Variants in PCDH15 observed in about 807,000 individuals in gnomAD.
PCDH15 encodes the protein protocadherin related 15, also known as protocadherin-15.
PCDH15 carries 129 observed loss-of-function variants against 178.5 expected under a neutral mutation model. The observed-to-expected ratio is 0.72, with a 90% CI of 0.63 to 0.84. The LOEUF (loss-of-function observed/expected upper bound fraction) is 0.84, where lower values mean the gene tolerates loss of function less well. Among genes scored for constraint, PCDH15 ranks in the 40% least tolerant of loss-of-function variants. The pLI is 0.00. For synonymous variants in PCDH15, 800 were observed against 732.0 expected, an observed-to-expected ratio of 1.09 and a Z score of -1.50; for missense variants, 2,230 against 2,099.9, an observed-to-expected ratio of 1.06 and a Z score of -1.21.
In PCDH15 at chr10:53,946,588, A is replaced by C. The variant is rs191447698; in HGVS notation, c.3123-5613T>G. 1.9e-3 allele frequency among the ~76,000 whole-genome samples: 285 copies of C among 152,304 alleles called. 1 individual carries two copies. The highest frequency in any genetic ancestry group is 6.2e-3 in the African/African-American group (258 of 41,576). ...TCTCATTTCACTTTATTGCTGAATAATATTACAATGTATTGGATGTATCAC... is the reference window on the plus strand; with the variant it reads ...TCTCATTTCACTTTATTGCTGAATACTATTACAATGTATTGGATGTATCAC... On this transcript the variant is annotated intron_variant, in intron 23 of 37. Transcript: ENST00000644397.
chr10:53,960,252 A>G (rs879768563), intron 22 of PCDH15, among the ~76,000 whole-genome samples: 2 of 152,176 alleles, frequency 1.3e-5, no homozygotes, highest in Non-Finnish European at 2.9e-5. Context: ...TTAAATTCAG[A>G]CACATAAAAA....
intron 9 of PCDH15, among the ~76,000 whole-genome samples, chr10:54,218,953 T>C (rs1435131494): frequency 6.6e-6 from 1 of 151,584 alleles, no homozygotes; most frequent in Non-Finnish European, 1.5e-5. Flanking sequence ...AGAACCACTG[T>C]AGATTAAAAG....
intron 2 of PCDH15, among the ~76,000 whole-genome samples, chr10:54,570,572 G>A (rs1032362976): frequency 6.6e-6 from 1 of 151,520 alleles, no homozygotes; most frequent in African/African-American, 2.4e-5. Flanking sequence ...ATATTGCATT[G>A]GAATATATTT....
At chr10:55,202,663 T>G (rs1840284826) in intron 1 of PCDH15, among the ~76,000 whole-genome samples, 1 of 152,122 alleles carries the variant, frequency 6.6e-6, no homozygotes, top group Non-Finnish European at 1.5e-5. Flanking sequence ...TTTGGCTCTG[T>G]GTCCCCACCC....
intron 2 of PCDH15, among the ~76,000 whole-genome samples, chr10:54,942,564 A>G (rs1339837983): frequency 6.6e-6 from 1 of 152,034 alleles, no homozygotes; most frequent in Non-Finnish European, 1.5e-5. Context: ...TGTTAAAGGT[A>G]GTAGCTATGC....
intron 2 of PCDH15, among the ~76,000 whole-genome samples, chr10:55,497,481 TTTC>T (rs1840560756): frequency 6.6e-6 from 1 of 151,778 alleles, no homozygotes; most frequent in East Asian, 1.9e-4. Context: ...TTGGCTTACT[TTTC>T]TGTAAGTAAT....
intron 28 of PCDH15, among the ~76,000 whole-genome samples, chr10:53,854,412 G>T (rs1479276532): frequency 6.6e-6 from 1 of 151,968 alleles, no homozygotes; most frequent in Non-Finnish European, 1.5e-5. Context: ...TTTATACTAT[G>T]TTTTTTAATC....
intron 33 of PCDH15, among the ~76,000 whole-genome samples, chr10:53,819,407 A>G (rs1266637502): frequency 6.6e-6 from 1 of 151,982 alleles, no homozygotes; most frequent in African/African-American, 2.4e-5. Context: ...GTCTTGGCTC[A>G]AAGGCAGAAA....
intron 14 of PCDH15, among the ~76,000 whole-genome samples, chr10:54,143,289 GATT>G (rs1590757584): frequency 1.3e-5 from 2 of 152,166 alleles, no homozygotes; most frequent in South Asian, 2.1e-4. Flanking sequence ...TAATAATTAT[GATT>G]ATTATGTTAC....
intron 1 of PCDH15, among the ~76,000 whole-genome samples, chr10:55,204,379 T>C (rs996751112): frequency 4.6e-5 from 7 of 151,578 alleles, no homozygotes; most frequent in Non-Finnish European, 5.9e-5. Flanking sequence ...TACGTGTATA[T>C]ATACATATAA....
intron 20 of PCDH15, among the ~76,000 whole-genome samples, chr10:54,002,778 T>G (rs780378593): frequency 1.3e-5 from 2 of 151,992 alleles, no homozygotes; most frequent in Non-Finnish European, 1.5e-5. Flanking sequence ...AAGTGAAGGA[T>G]TCAAAGTTAA....
At chr10:55,539,565 A>G (rs1291815750) in intron 2 of PCDH15, among the ~76,000 whole-genome samples, 1 of 151,942 alleles carries the variant, frequency 6.6e-6, no homozygotes. Flanking sequence ...AATTCATAGA[A>G]CTCCAATACT....
intron 18 of PCDH15, among the ~76,000 whole-genome samples, chr10:54,060,605 T>C (rs1177251458): frequency 1.3e-5 from 2 of 152,234 alleles, no homozygotes; most frequent in African/African-American, 4.8e-5. Context: ...CATTTTGCGA[T>C]AGCGAAATCC....
chr10:55,330,838 ATG>A (rs71461291), intron 2 of PCDH15, among the ~76,000 whole-genome samples: 8,489 of 144,616 alleles, frequency 0.059, 536 homozygotes, highest in African/African-American at 0.16. Context: ...AGATTTATTT[ATG>A]TGTGTGTGTG....
At chr10:54,044,989 T>C (rs1227604906) in intron 18 of PCDH15, among the ~76,000 whole-genome samples, 1 of 152,138 alleles carries the variant, frequency 6.6e-6, no homozygotes, top group African/African-American at 2.4e-5. Flanking sequence ...ATCATATGCA[T>C]AGGACCACTG....
intron 1 of PCDH15, among the ~76,000 whole-genome samples, chr10:54,689,109 C>G (rs185559741): frequency 6.6e-4 from 100 of 152,046 alleles, no homozygotes; most frequent in South Asian, 2.3e-3. Flanking sequence ...TTCAATTTTT[C>G]TTTCTTACTA....
intron 1 of PCDH15, among the ~76,000 whole-genome samples, chr10:55,279,549 C>A (rs1842676391): frequency 6.6e-6 from 1 of 152,298 alleles, no homozygotes; most frequent in East Asian, 1.9e-4. Context: ...GAGCCTCATG[C>A]TTAGTTTAAT....
At chr10:54,400,037 G>C (rs1295733516) in intron 3 of PCDH15, among the ~76,000 whole-genome samples, 1 of 152,082 alleles carries the variant, frequency 6.6e-6, no homozygotes, top group Non-Finnish European at 1.5e-5. Context: ...AAGGCAGAGA[G>C]AGAGCAAGGT....
intron 3 of PCDH15, among the ~76,000 whole-genome samples, chr10:54,428,889 G>A (rs1372638812): frequency 6.6e-6 from 1 of 152,124 alleles, no homozygotes; most frequent in East Asian, 1.9e-4. Flanking sequence ...GAGAAATAAA[G>A]ACCTTCACAG....
Sources: allele counts gnomAD v4.1 joint callset (sites outside exome capture counted in the v4.1 genomes callset), GRCh38; gene constraint gnomAD v4.1.1; transcripts MANE v1.5; gene names NCBI Gene and HGNC (gene_info 2026-07-23, HGNC 2026-07-21).